DIAPH2: variants seen among roughly 807,000 people sequenced by gnomAD.
DIAPH2 encodes the protein diaphanous related formin 2, also known as protein diaphanous homolog 2.
In DIAPH2, 35 loss-of-function variants were observed where a neutral mutation model predicts 92.7. That is an observed-to-expected ratio of 0.38 (90% CI 0.29 to 0.50). The LOEUF (loss-of-function observed/expected upper bound fraction) is 0.50, where lower values mean the gene tolerates loss of function less well. Ranked by LOEUF, DIAPH2 falls within the 20% of genes least tolerant of loss-of-function variation. The pLI is 0.94. For missense variants in DIAPH2, 701 were observed against 819.5 expected, an observed-to-expected ratio of 0.86 and a Z score of 1.77; for synonymous variants, 301 against 280.4, an observed-to-expected ratio of 1.07 and a Z score of -0.73.
At chrX:96,850,623 T>G (rs768011656) in intron 4 of DIAPH2, among the ~76,000 whole-genome samples, 1 of 112,070 alleles carries the variant, frequency 8.9e-6, no homozygotes, top group Admixed American at 9.5e-5. Flanking sequence ...CTATTTCTCG[T>G]TCATAGCCCT....
chrX:96,818,197 T>A (rs754136701), intron 4 of DIAPH2, among the ~76,000 whole-genome samples: 1 of 103,714 alleles, frequency 9.6e-6, no homozygotes, highest in East Asian at 3.0e-4. Context: ...GCCGGGATGG[T>A]CACGATCTCC....
intron 5 of DIAPH2, among the ~76,000 whole-genome samples, chrX:96,896,812 A>G (rs1345132495): frequency 8.9e-6 from 1 of 112,172 alleles, no homozygotes; most frequent in African/African-American, 3.2e-5. Context: ...CAATAACAGA[A>G]GGCTGATATC....
chrX:97,076,300 G>A (rs1190721123), intron 19 of DIAPH2, among the ~76,000 whole-genome samples: 1 of 111,990 alleles, frequency 8.9e-6, no homozygotes, highest in Non-Finnish European at 1.9e-5. Context: ...GGGAGGCTGA[G>A]GCAGGCAGAT....
intron 23 of DIAPH2, among the ~76,000 whole-genome samples, chrX:97,306,822 T>C: frequency 8.9e-6 from 1 of 112,190 alleles, no homozygotes; most frequent in Middle Eastern, 4.6e-3. Flanking sequence ...TTTGTGCTCT[T>C]ACCTTAAAGG....
At chrX:96,788,055 G>A (rs1017390821) in intron 4 of DIAPH2, among the ~76,000 whole-genome samples, 1 of 109,668 alleles carries the variant, frequency 9.1e-6, no homozygotes, top group South Asian at 3.9e-4. Flanking sequence ...TTTTCATCAG[G>A]AAAAGTATAT....
chrX:96,969,106 C>CA (rs2065911399), intron 17 of DIAPH2, among the ~76,000 whole-genome samples: 1 of 112,115 alleles, frequency 8.9e-6, no homozygotes, highest in Non-Finnish European at 1.9e-5. Context: ...GTACCAGTAC[C>CA]ATGCTGTTTT....
intron 5 of DIAPH2, among the ~76,000 whole-genome samples, chrX:96,904,577 T>G (rs762256764): frequency 8.9e-6 from 1 of 111,797 alleles, no homozygotes; most frequent in Non-Finnish European, 1.9e-5. Context: ...ATGATGTTTA[T>G]TTAGCCGAAC....
At chrX:97,084,015 T>C (rs192010570) in intron 19 of DIAPH2, among the ~76,000 whole-genome samples, 1,284 of 111,819 alleles carry the variant, frequency 0.011, 9 homozygotes, top group Non-Finnish European at 0.019. Context: ...GGCTTTTTTT[T>C]TTCCTTTACC....
intron 4 of DIAPH2, among the ~76,000 whole-genome samples, chrX:96,823,569 T>A (rs233678): frequency 0.5 from 54,642 of 109,825 alleles, 11,214 homozygotes; most frequent in African/African-American, 0.79. Context: ...TGGTGATTTT[T>A]AAATTTTCTT....
At chrX:97,185,329 A>ATATATATATATATATATATATG (rs2067574484) in intron 22 of DIAPH2, among the ~76,000 whole-genome samples, 5 of 9,406 alleles carry the variant, frequency 5.3e-4, no homozygotes, top group African/African-American at 1.6e-3. Flanking sequence ...ATATATGTGT[A>ATATATATATATATATATATATG]TATATATATA....
intron 26 of DIAPH2, among the ~76,000 whole-genome samples, chrX:97,559,484 G>A (rs2071279274): frequency 1.0e-5 from 1 of 95,364 alleles, no homozygotes; most frequent in South Asian, 5.0e-4. Context: ...GTGAGACTCC[G>A]TCTCAAAAAA....
At chrX:97,473,873 T>C (rs1323256376) in intron 26 of DIAPH2, among the ~76,000 whole-genome samples, 4 of 111,355 alleles carry the variant, frequency 3.6e-5, no homozygotes, top group Non-Finnish European at 5.7e-5. Flanking sequence ...GGCAGGAAAA[T>C]CACTTGAACC....
At chrX:97,486,826 A>G (rs926205221) in intron 26 of DIAPH2, among the ~76,000 whole-genome samples, 1 of 111,034 alleles carries the variant, frequency 9.0e-6, no homozygotes, top group Non-Finnish European at 1.9e-5. Flanking sequence ...ACAATACAAT[A>G]TTGTTAACTA....
intron 17 of DIAPH2, among the ~76,000 whole-genome samples, chrX:97,021,936 C>G (rs192675100): frequency 8.1e-5 from 9 of 111,680 alleles, no homozygotes; most frequent in African/African-American, 2.9e-4. Context: ...AATAGATCAT[C>G]GTGCCTATAA....
intron 19 of DIAPH2, among the ~76,000 whole-genome samples, chrX:97,098,335 C>A (rs1402906930): frequency 9.0e-6 from 1 of 111,697 alleles, no homozygotes; most frequent in East Asian, 2.8e-4. Context: ...AAACTCTAAA[C>A]CTATTAAGCA....
intron 26 of DIAPH2, among the ~76,000 whole-genome samples, chrX:97,519,837 T>C (rs1468939290): frequency 9.0e-6 from 1 of 111,304 alleles, no homozygotes; most frequent in Non-Finnish European, 1.9e-5. Context: ...GCGATTCTCC[T>C]GCCTCAGCCT....
chrX:96,742,873 A>T (rs2064128529), intron 3 of DIAPH2, among the ~76,000 whole-genome samples: 1 of 111,372 alleles, frequency 9.0e-6, no homozygotes, highest in South Asian at 3.8e-4. Flanking sequence ...CACCGTGGCC[A>T]AGCTGGTCTC....
At chrX:97,299,237 T>C (rs1432599266) in intron 23 of DIAPH2, among the ~76,000 whole-genome samples, 4 of 111,646 alleles carry the variant, frequency 3.6e-5, no homozygotes, top group African/African-American at 1.3e-4. Context: ...ATAGTAATAA[T>C]AATGGTTATT....
chrX:96,718,336 G>GTTTTTTTCTTTTTTTTT (rs2063965825), intron 1 of DIAPH2, among the ~76,000 whole-genome samples: 1 of 10,987 alleles, frequency 9.1e-5, no homozygotes, highest in Non-Finnish European at 1.4e-4. Flanking sequence ...CATTTTCTTT[G>GTTTTTTTCTTTTTTTTT]TTTTTTTTTT....
Sources: allele counts gnomAD v4.1 joint callset (sites outside exome capture counted in the v4.1 genomes callset), GRCh38; gene constraint gnomAD v4.1.1; transcripts MANE v1.5; gene names NCBI Gene and HGNC (gene_info 2026-07-23, HGNC 2026-07-21).